Variants in MLNR observed in about 807,000 individuals in gnomAD.
MLNR encodes the protein G protein-coupled receptor 38.
A neutral mutation model predicts 20.0 loss-of-function variants in MLNR; 16 were observed. The observed-to-expected ratio is 0.80, with a 90% CI of 0.54 to 1.22. The LOEUF (loss-of-function observed/expected upper bound fraction) is 1.22. Among genes scored for constraint, MLNR ranks in the 50% most tolerant of loss-of-function variants. The probability of loss-of-function intolerance (pLI) is 0.00; values close to 1 mark genes in which losing one functional copy is unlikely to be tolerated. For missense variants in MLNR, 630 were observed against 592.3 expected (o/e 1.06, Z -0.66); for synonymous variants, 302 against 287.2 (o/e 1.05, Z -0.52).
At position 49,220,616 on chromosome 13, in the gene MLNR, C is replaced by G; in HGVS notation, c.279C>G (p.Phe93Leu). Residue 93 changes from phenylalanine to leucine, a missense_variant, in exon 1 of 2, where the codon TTC becomes TTG. Coordinates refer to ENST00000218721, the MANE Select transcript of MLNR (RefSeq NM_001507.1). The surrounding 1 kb of genome is among the most constrained non-coding windows in gnomAD (Gnocchi z 4.4). The part of the protein sequence containing the change: ...SDLLILLGLP[F>L]DLYRLWRSRP... ...TACTCATCCTGCTCGGGCTGCCGTTCGACCTGTACCGCCTCTGGCGCTCGC... is the reference window on the plus strand; with the variant it reads ...TACTCATCCTGCTCGGGCTGCCGTTGGACCTGTACCGCCTCTGGCGCTCGC... The G allele has an allele frequency of 1.2e-6, 2 of 1,612,318 alleles. No homozygotes were observed. The highest frequency in any genetic ancestry group is 1.7e-6 in the Non-Finnish European group (2 of 1,179,350).
rs1479951617 is a variant in MLNR, at chr13:49,220,883, C to A, written c.546C>A (p.Asp182Glu). 6.4e-7 allele frequency: 1 copy of A among 1,567,642 alleles called. No individual in the cohort carries two copies. Among genetic ancestry groups the A allele is most frequent in the Non-Finnish European group, 8.6e-7 (1 of 1,158,916 alleles). Residue 182 changes from aspartate (D) to glutamate (E), a missense_variant, in exon 1 of 2, where the codon GAC becomes GAA. Coordinates refer to ENST00000218721, the MANE Select transcript of MLNR (RefSeq NM_001507.1). The surrounding 1 kb of genome is among the most constrained non-coding windows in gnomAD (Gnocchi z 4.4). Reference protein sequence around the residue: ...PFLFLVGVEQDPGISVVPGLN... With the variant: ...PFLFLVGVEQEPGISVVPGLN... ...TGTTCCTGGTGGGCGTCGAGCAGGA[C>A]CCCGGCATCTCCGTAGTCCCGGGCC...
rs892505258 is a variant in MLNR at position 49,221,253 on chromosome 13, C to G, written c.901+15C>G. 2.6e-6 allele frequency: 4 copies of G among 1,554,970 alleles called. No individual in the cohort carries two copies. Among genetic ancestry groups the G allele is most frequent in the African/African-American group, 2.7e-5 (2 of 73,394 alleles). On this transcript the variant is annotated intron_variant, in intron 1 of 1. Transcript: ENST00000218721. The stretch of plus-strand genomic sequence containing the variant: ...CCGCGTCCTGCGTAAGTGGAGCCGC[C>G]GTGGTTCCAAAGACGCCTGCCTGCA...
rs1444401782 is a variant in MLNR, at chr13:49,220,516, T to G, written c.179T>G (p.Val60Gly). 1 of 1,607,108 alleles carries G rather than the reference T, an allele frequency of 6.2e-7. No homozygotes were observed. The highest frequency in any genetic ancestry group is 1.1e-5 in the South Asian group (1 of 89,934). The change falls in exon 1 of 2, where the codon GTG becomes GGG. Residue 60 changes from valine (V) to glycine (G), a missense_variant. Val to Gly is a moderately radical substitution (Grantham distance 109, BLOSUM62 -3). Coordinates refer to ENST00000218721, the MANE Select transcript of MLNR (RefSeq NM_001507.1). The surrounding 1 kb of genome is among the most constrained non-coding windows in gnomAD (Gnocchi z 4.4). ...VVGVSGNVVT[V>G]MLIGRYRDMR... ...GGGGTGAGCGGCAACGTGGTGACCG[T>G]GATGCTGATCGGGCGCTACCGGGAC... is the stretch of plus-strand genomic sequence containing the variant.
Position 49,222,346 on chromosome 13 carries a change from A to G in MLNR, c.1208A>G (p.Glu403Gly). ...DTGGDTVGYT[E>G]TSANVKTMG Reference sequence around the variant, plus strand: ...GGAGGAGACACGGTGGGCTACACCGAGACAAGCGCTAACGTGAAGACGATG... The same window carrying G: ...GGAGGAGACACGGTGGGCTACACCGGGACAAGCGCTAACGTGAAGACGATG... The change falls in exon 2 of 2, where the codon GAG becomes GGG. Residue 403 changes from glutamate to glycine, a missense_variant. By Grantham distance (98) the Glu-to-Gly change is moderately conservative. Coordinates refer to ENST00000218721, the MANE Select transcript of MLNR (RefSeq NM_001507.1). 6.2e-7 allele frequency: 1 copy of G among 1,613,552 alleles called. No homozygotes were observed. The highest frequency in any genetic ancestry group is 8.5e-7 in the Non-Finnish European group (1 of 1,179,880).
Position 49,220,908 on chromosome 13 carries a change from C to T in MLNR, c.571C>T (p.Leu191Phe), listed in dbSNP as rs1038600255. The T allele has an allele frequency of 6.4e-7, 1 of 1,556,558 alleles. No homozygotes were observed. The highest frequency in any genetic ancestry group is 8.7e-7 in the Non-Finnish European group (1 of 1,153,802). Reference sequence around the variant, plus strand: ...CCCCGGCATCTCCGTAGTCCCGGGCCTCAATGGCACCGCGCGGATCGCCTC... The same window carrying T: ...CCCCGGCATCTCCGTAGTCCCGGGCTTCAATGGCACCGCGCGGATCGCCTC... ...QDPGISVVPG[L>F]NGTARIASSP... Residue 191 changes from leucine (L) to phenylalanine (F), a missense_variant, in exon 1 of 2, where the codon CTC becomes TTC. Coordinates refer to ENST00000218721, the MANE Select transcript of MLNR (RefSeq NM_001507.1). The surrounding 1 kb of genome is among the most constrained non-coding windows in gnomAD (Gnocchi z 4.4).
At chr13:49,221,549 A>G (rs759292456) in intron 1 of MLNR, among the ~76,000 whole-genome samples, 13 of 152,126 alleles carry the variant, frequency 8.5e-5, no homozygotes, top group Non-Finnish European at 1.6e-4. Flanking sequence ...TCTTAATCCA[A>G]CCACCTGTTA....
intron 1 of MLNR, chr13:49,221,451 G>A: frequency 3.5e-6 from 2 of 575,380 alleles, no homozygotes; most frequent in Non-Finnish European, 6.1e-6. Flanking sequence ...GGACCCCAGG[G>A]CGCTTTGAGG....
At chr13:49,221,498 C>T in intron 1 of MLNR, 1 of 541,474 alleles carries the variant, frequency 1.8e-6, no homozygotes, top group Non-Finnish European at 3.3e-6. Flanking sequence ...ACCAGCAGTG[C>T]TTTTCCAGAG....
At chr13:49,221,453 G>A in intron 1 of MLNR, 1 of 577,736 alleles carries the variant, frequency 1.7e-6, no homozygotes, top group Non-Finnish European at 3.0e-6. Context: ...ACCCCAGGGC[G>A]CTTTGAGGGT....
rs1448199290 is a variant in MLNR at position 49,220,456 on chromosome 13, C to A, written c.119C>A (p.Pro40Gln). The A allele has an allele frequency of 6.4e-7, 1 of 1,561,834 alleles. No homozygotes were observed. The highest frequency in any genetic ancestry group is 1.2e-5 in the South Asian group (1 of 85,530). Residue 40 changes from proline (P) to glutamine (Q), a missense_variant, in exon 1 of 2, where the codon CCG (proline) becomes CAG (glutamine). Transcript: ENST00000218721. This position sits in a 1 kb window ranked among gnomAD's most constrained non-coding sequence, Gnocchi z 4.4. ...CCCTTTCCCCTGGGGGCGCTGGTGC[C>A]GGTGACCGCTGTGTGCCTGTGCCTG... ...CSPFPLGALV[P>Q]VTAVCLCLFV...
Position 49,220,741 on chromosome 13 carries a change from A to G in MLNR, c.404A>G (p.Glu135Gly), listed in dbSNP as rs774791440. The change falls in exon 1 of 2, where the codon GAG (glutamate) becomes GGG (glycine). Residue 135 changes from glutamate (E) to glycine (G), a missense_variant. Physicochemically the swap from Glu to Gly is moderately conservative, Grantham distance 98 (BLOSUM62 -2). Coordinates refer to ENST00000218721, the MANE Select transcript of MLNR (RefSeq NM_001507.1). This position sits in a 1 kb window ranked among gnomAD's most constrained non-coding sequence, Gnocchi z 4.4. ...CTGCACATGACCGCGCTCAGCGTCG[A>G]GCGCTACCTGGCCATCTGCCGCCCG... is the stretch of plus-strand genomic sequence containing the variant. ...TLLHMTALSV[E>G]RYLAICRPLR... 1.3e-6 allele frequency: 2 copies of G among 1,578,480 alleles called. No individual in the cohort carries two copies. Among genetic ancestry groups the G allele is most frequent in the Admixed American group, 3.6e-5 (2 of 55,056 alleles).
rs200252355 is a variant in MLNR, at chr13:49,222,066, T to C, written c.928T>C (p.Cys310Arg). The C allele has an allele frequency of 2.4e-5, 39 of 1,614,056 alleles. 1 individual carries two copies. The East Asian group carries it at 8.7e-4, about 36-fold the overall frequency. Residue 310 changes from cysteine (C) to arginine (R), a missense_variant, in exon 2 of 2, where the codon TGC becomes CGC. Transcript: ENST00000218721. ...GGTGGTGGTTCTGGCATTTATAATT[T>C]GCTGGTTGCCCTTCCACGTTGGCAG... ...LLVVVLAFII[C>R]WLPFHVGRII...
At position 49,222,122 on chromosome 13, in the gene MLNR, G is replaced by A. The variant is rs765636071; in HGVS notation, c.984G>A (p.Arg328=). 1 of 1,614,176 alleles carries A rather than the reference G, an allele frequency of 6.2e-7. No homozygotes were observed. Reference sequence around the variant, plus strand: ...TTTACATAAACACGGAAGATTCGCGGATGATGTACTTCTCTCAGTACTTTA... The same window carrying A: ...TTTACATAAACACGGAAGATTCGCGAATGATGTACTTCTCTCAGTACTTTA... ...RIIYINTEDS[R]MMYFSQYFNI... Residue 328 remains arginine (R), a synonymous_variant, in exon 2 of 2, where the codon CGG becomes CGA. Coordinates refer to ENST00000218721, the MANE Select transcript of MLNR (RefSeq NM_001507.1).
rs200236330 is a variant in MLNR, at chr13:49,222,354, G to T, written c.1216G>T (p.Ala406Ser). ...GDTVGYTETSANVKTMG is the reference protein window; with the variant it reads ...GDTVGYTETSSNVKTMG ...CACGGTGGGCTACACCGAGACAAGC[G>T]CTAACGTGAAGACGATGGGATAACC... The change falls in exon 2 of 2, where the codon GCT becomes TCT. Residue 406 changes from alanine to serine, a missense_variant. Transcript: ENST00000218721. 1.9e-6 allele frequency: 3 copies of T among 1,612,950 alleles called. No individual in the cohort carries two copies. Among genetic ancestry groups the T allele is most frequent in the Non-Finnish European group, 2.5e-6 (3 of 1,179,632 alleles).
At position 49,221,078 on chromosome 13, in the gene MLNR, C is replaced by T. The variant is rs1428100841; in HGVS notation, c.741C>T (p.Val247=). The change falls in exon 1 of 2, where the codon GTC becomes GTT. Residue 247 remains valine (V), a synonymous_variant. Coordinates refer to ENST00000218721, the MANE Select transcript of MLNR (RefSeq NM_001507.1). ...CCGCGCAGCTGGGCGCGCTGCGTGT[C>T]ATGCTGTGGGTCACCACCGCCTACT... ...PSPAQLGALR[V]MLWVTTAYFF... is the part of the protein sequence containing the mutation. 6.3e-7 allele frequency: 1 copy of T among 1,585,070 alleles called. No individual in the cohort carries two copies. The highest frequency in any genetic ancestry group is 1.1e-5 in the South Asian group (1 of 89,486).
Position 49,221,003 on chromosome 13 carries a change from C to CGAGACCGCG in MLNR, c.670_678dup (p.Thr224_Glu226dup). ...CACCGCCGTCCCCGCCGTCGGGGCC[C>CGAGACCGCG]GAGACCGCGGAGGCCGCGGCGCTGT... On this transcript the variant is annotated inframe_insertion, in exon 1 of 2. Transcript: ENST00000218721. 1.3e-6 allele frequency: 2 copies of CGAGACCGCG among 1,531,470 alleles called. No individual in the cohort carries two copies. The highest frequency in any genetic ancestry group is 1.7e-6 in the Non-Finnish European group (2 of 1,151,404). The allele number at this position is 1,531,470 out of a possible 1,614,324, so 94.9% of individuals were successfully genotyped here.
At chr13:49,221,715 C>A (rs1250988561) in intron 1 of MLNR, among the ~76,000 whole-genome samples, 1 of 152,218 alleles carries the variant, frequency 6.6e-6, no homozygotes, top group Non-Finnish European at 1.5e-5. Context: ...TTGTAGAATT[C>A]TTTTCAACAG....
At chr13:49,221,693 T>A (rs752329200) in intron 1 of MLNR, among the ~76,000 whole-genome samples, 2 of 152,362 alleles carry the variant, frequency 1.3e-5, no homozygotes, top group East Asian at 3.9e-4. Flanking sequence ...AAGTAAAGAT[T>A]GTGCAGACCT....
Position 49,220,854 on chromosome 13 carries a change from T to A in MLNR, c.517T>A (p.Phe173Ile). 1 of 1,577,684 alleles carries A rather than the reference T, an allele frequency of 6.3e-7. No individual in the cohort carries two copies. Among genetic ancestry groups the A allele is most frequent in the Non-Finnish European group, 8.6e-7 (1 of 1,164,088 alleles). The part of the protein sequence containing the change: ...WAVALLSAGP[F>I]LFLVGVEQDP... ...CGTGGCGCTGCTCTCTGCCGGTCCCTTCTTGTTCCTGGTGGGCGTCGAGCA... is the reference window on the plus strand; with the variant it reads ...CGTGGCGCTGCTCTCTGCCGGTCCCATCTTGTTCCTGGTGGGCGTCGAGCA... Residue 173 changes from phenylalanine to isoleucine, a missense_variant, in exon 1 of 2, where the codon TTC (phenylalanine) becomes ATC (isoleucine). Physicochemically the swap from Phe to Ile is conservative, Grantham distance 21 (BLOSUM62 0). Transcript: ENST00000218721. The surrounding 1 kb of genome is among the most constrained non-coding windows in gnomAD (Gnocchi z 4.4).
Sources: gnomAD v4.1 joint callset for allele counts (sites outside exome capture counted in the v4.1 genomes callset) on GRCh38, gnomAD v4.1.1 for gene constraint, Gnocchi (gnomAD v3.1) non-coding constraint, MANE v1.5 for transcripts, NCBI Gene and HGNC (gene_info 2026-07-23, HGNC 2026-07-21) for gene names.